CDK19: variants seen among roughly 807,000 people sequenced by gnomAD.
The protein encoded by CDK19 is cyclin dependent kinase 19, also known as cyclin-dependent kinase 19.
A neutral mutation model predicts 68.3 loss-of-function variants in CDK19; 20 were observed. The ratio of observed to expected loss-of-function variants is 0.29; its 90% confidence interval spans 0.21 to 0.43. CDK19 has a LOEUF of 0.43. Ranked by LOEUF, CDK19 falls within the 20% of genes least tolerant of loss-of-function variation. The pLI is 1.00. For missense variants in CDK19, 339 were observed against 623.5 expected (o/e 0.54, Z 4.86); for synonymous variants, 221 against 222.8 (o/e 0.99, Z 0.07).
At chr6:110,665,250 C>G (rs943951997) in intron 4 of CDK19, among the ~76,000 whole-genome samples, 1 of 152,028 alleles carries the variant, frequency 6.6e-6, no homozygotes, top group Non-Finnish European at 1.5e-5. Context: ...AAAGCCTGAA[C>G]TAGGAATGAG....
intron 6 of CDK19, among the ~76,000 whole-genome samples, chr6:110,629,597 A>G (rs1022892733): frequency 6.6e-6 from 1 of 152,154 alleles, no homozygotes; most frequent in Admixed American, 6.6e-5. Context: ...CAAGTGATCC[A>G]CCTGCCTTGG....
intron 5 of CDK19, among the ~76,000 whole-genome samples, chr6:110,637,808 C>T (rs1779878662): frequency 6.6e-6 from 1 of 152,076 alleles, no homozygotes; most frequent in East Asian, 1.9e-4. Flanking sequence ...GGTGAAACCC[C>T]ATCTCTACTA....
intron 5 of CDK19, among the ~76,000 whole-genome samples, chr6:110,633,006 G>A (rs1173795771): frequency 6.6e-6 from 1 of 151,946 alleles, no homozygotes; most frequent in Non-Finnish European, 1.5e-5. Flanking sequence ...GGATCATGAG[G>A]TCAAGAGACC....
chr6:110,713,620 T>A (rs1775140667), intron 2 of CDK19, among the ~76,000 whole-genome samples: 1 of 152,118 alleles, frequency 6.6e-6, no homozygotes, highest in South Asian at 2.1e-4. Flanking sequence ...GATTTCTATA[T>A]ATTTTCACCA....
chr6:110,813,305 G>C (rs1783261919), intron 1 of CDK19: 1 of 151,908 alleles, frequency 6.6e-6, no homozygotes, highest in African/African-American at 2.4e-5. Flanking sequence ...CCTAATAAAA[G>C]AAAGCTATTT....
At chr6:110,641,646 A>AAAGGAAGGAAGGAAGGAAGG (rs71553305) in intron 4 of CDK19, among the ~76,000 whole-genome samples, 271 of 131,354 alleles carry the variant, frequency 2.1e-3, no homozygotes, top group Middle Eastern at 0.011. Context: ...AAAGGGAAAG[A>AAAGGAAGGAAGGAAGGAAGG]AAGGAAGGAA....
At chr6:110,634,249 C>G (rs1779617750) in intron 5 of CDK19, among the ~76,000 whole-genome samples, 1 of 152,154 alleles carries the variant, frequency 6.6e-6, no homozygotes. Flanking sequence ...TGGAGTCTCG[C>G]TCTGTTGCCC....
chr6:110,638,618 T>G, intron 5 of CDK19, 31 bp downstream of exon 5: 1 of 1,148,012 alleles, frequency 8.7e-7, no homozygotes, highest in Admixed American at 1.8e-5. Flanking sequence ...CTTCAGTTTT[T>G]AAATAAATTA....
intron 2 of CDK19, among the ~76,000 whole-genome samples, chr6:110,711,720 C>A (rs1016488626): frequency 6.6e-6 from 1 of 152,378 alleles, no homozygotes; most frequent in African/African-American, 2.4e-5. Context: ...GCAATCCCAG[C>A]ACTTTGGGAG....
chr6:110,809,770 T>C (rs749675559), intron 1 of CDK19, among the ~76,000 whole-genome samples: 9 of 152,212 alleles, frequency 5.9e-5, no homozygotes, highest in Non-Finnish European at 8.8e-5. Context: ...TAATTGAATA[T>C]AATTTTGTGT....
At chr6:110,800,512 T>C (rs1397073180) in intron 1 of CDK19, among the ~76,000 whole-genome samples, 2 of 152,104 alleles carry the variant, frequency 1.3e-5, no homozygotes, top group Admixed American at 1.3e-4. Flanking sequence ...CGAAGAAAAC[T>C]ACAGGCCAAT....
At chr6:110,738,013 C>T (rs192410005) in intron 2 of CDK19, among the ~76,000 whole-genome samples, 2 of 152,036 alleles carry the variant, frequency 1.3e-5, no homozygotes, top group Admixed American at 1.3e-4. Flanking sequence ...ATAACTGTTA[C>T]AGAACATCAT....
chr6:110,742,591 T>C (rs6912889), intron 2 of CDK19, among the ~76,000 whole-genome samples: 7,206 of 152,118 alleles, frequency 0.047, 179 homozygotes, highest in Middle Eastern at 0.078. Context: ...TGCTGAAATC[T>C]TTTCCCAGCA....
At chr6:110,622,036 C>T (rs1778751844) in intron 11 of CDK19, 52 bp downstream of exon 11, 1 of 1,049,552 alleles carries the variant, frequency 9.5e-7, no homozygotes, top group South Asian at 1.6e-5. Flanking sequence ...CCTAAACTAT[C>T]TTTTTGCCTC....
intron 2 of CDK19, among the ~76,000 whole-genome samples, chr6:110,738,334 A>AC (rs1410144952): frequency 5.4e-5 from 8 of 148,272 alleles, no homozygotes; most frequent in African/African-American, 2.0e-4. Context: ...ACACGGTGAA[A>AC]CCCCATCTCT....
At chr6:110,797,009 CAAAA>C (rs61247667) in intron 1 of CDK19, among the ~76,000 whole-genome samples, 2 of 111,880 alleles carry the variant, frequency 1.8e-5, no homozygotes, top group Admixed American at 1.0e-4. Flanking sequence ...AACTCCATCT[CAAAA>C]AAAAAAAAAA....
chr6:110,641,550 G>A (rs1239259897), intron 4 of CDK19, among the ~76,000 whole-genome samples: 5 of 148,138 alleles, frequency 3.4e-5, no homozygotes, highest in South Asian at 2.1e-4. Flanking sequence ...AGCTGAGATC[G>A]TGCCACTGTA....
At chr6:110,646,087 T>C in intron 4 of CDK19, 1 of 867,936 alleles carries the variant, frequency 1.2e-6, no homozygotes, top group Non-Finnish European at 1.9e-6. Context: ...CTGCAGTTTG[T>C]GGCTAAGCAA....
intron 2 of CDK19, among the ~76,000 whole-genome samples, chr6:110,742,897 T>C (rs537258021): frequency 6.6e-6 from 1 of 152,254 alleles, no homozygotes; most frequent in Non-Finnish European, 1.5e-5. Context: ...TTATTGCCCT[T>C]TGAAGCATGT....
Sources: gnomAD v4.1 joint callset for allele counts (sites outside exome capture counted in the v4.1 genomes callset) on GRCh38, gnomAD v4.1.1 for gene constraint, MANE v1.5 for transcripts, NCBI Gene and HGNC (gene_info 2026-07-23, HGNC 2026-07-21) for gene names.